Variants in PLSCR4 observed in about 807,000 individuals in gnomAD.
The protein encoded by PLSCR4 is Ca(2+)-dependent phospholipid scramblase 4.
In PLSCR4, 25 loss-of-function variants were observed where a neutral mutation model predicts 36.3. The observed-to-expected ratio is 0.69, with a 90% confidence interval of 0.50 to 0.96. The LOEUF is 0.96. PLSCR4 is among the 40% of genes least tolerant of loss of function. PLSCR4 has a pLI of 0.00. For synonymous variants in PLSCR4, 122 were observed against 132.9 expected (o/e 0.92, Z 0.56); for missense variants, 408 against 414.7 (o/e 0.98, Z 0.14).
chr3:146,235,976 C>T (rs2035896749), intron 1 of PLSCR4, among the ~76,000 whole-genome samples: 4 of 151,930 alleles, frequency 2.6e-5, no homozygotes, highest in Admixed American at 1.3e-4. Flanking sequence ...GGCCTGGCTG[C>T]TTCTAATAAC....
chr3:146,195,429 G>T, intron 7 of PLSCR4, 147 bp from the exon 8 acceptor site: 1 of 660,670 alleles, frequency 1.5e-6, no homozygotes, highest in South Asian at 2.0e-5. Flanking sequence ...TGGCCAAAAA[G>T]GGTTAACTGC....
intron 1 of PLSCR4, among the ~76,000 whole-genome samples, chr3:146,242,478 A>C (rs748808264): frequency 2.4e-5 from 3 of 126,070 alleles, no homozygotes; most frequent in South Asian, 5.1e-4. Flanking sequence ...ATTTGAGCTG[A>C]GTTTGAGCAT....
Position 146,192,780 on chromosome 3 carries a change from G to A in PLSCR4, c.*1631C>T, listed in dbSNP as rs572501304. 1.6e-4 allele frequency: 24 copies of A among 151,274 alleles called. No individual in the cohort carries two copies. Among genetic ancestry groups the A allele is most frequent in the African/African-American group, 5.1e-4 (21 of 41,166 alleles). The allele number at this position is 151,274 out of a possible 1,614,324, so 9.4% of individuals were successfully genotyped here. A position where few individuals can be genotyped will look rare whatever the true frequency, so the allele number is the denominator to read the frequency against. Reference sequence around the variant, plus strand: ...ATTGCAATGGCACTTTCAAATATAAGGCAATTAATATTTTAGAAAGCAGCA... The same window carrying A: ...ATTGCAATGGCACTTTCAAATATAAAGCAATTAATATTTTAGAAAGCAGCA... On this transcript the variant is annotated 3_prime_UTR_variant, in exon 9 of 9. Coordinates refer to ENST00000354952, the MANE Select transcript of PLSCR4 (RefSeq NM_020353.3).
chr3:146,244,719 T>C (rs1037792312), intron 1 of PLSCR4, among the ~76,000 whole-genome samples: 3 of 152,056 alleles, frequency 2.0e-5, no homozygotes, highest in Admixed American at 1.3e-4. Context: ...CAAAACAATA[T>C]TGAAATTAGG....
chr3:146,195,175 T>C lies in PLSCR4; in HGVS notation c.894A>G (p.Leu298=). Residue 298 remains leucine, a synonymous_variant, in exon 8 of 9, where the codon CTA becomes CTG. Transcript: ENST00000354952. The part of the protein sequence containing the change: ...DADHFDIHFP[L]DLDVKMKAMI... ...TGGCTTTCATCTTCACATCCAGGTC[T>C]AGTGGGAAGTGAATGTCAAAATGGT... 6.2e-7 allele frequency: 1 copy of C among 1,613,784 alleles called. No individual in the cohort carries two copies. Among genetic ancestry groups the C allele is most frequent in the Admixed American group, 1.7e-5 (1 of 60,000 alleles).
intron 3 of PLSCR4, among the ~76,000 whole-genome samples, chr3:146,213,914 T>C: frequency 6.7e-6 from 1 of 149,536 alleles, no homozygotes; most frequent in African/African-American, 2.6e-5. Context: ...AGGTGTTTTA[T>C]TTTTATTTTT....
chr3:146,238,961 C>T (rs768301046), intron 1 of PLSCR4, among the ~76,000 whole-genome samples: 21 of 151,870 alleles, frequency 1.4e-4, no homozygotes, highest in African/African-American at 1.2e-4. Context: ...ATTTCTATAC[C>T]CTGGCAATGA....
At chr3:146,230,651 TG>T (rs892817948) in intron 1 of PLSCR4, among the ~76,000 whole-genome samples, 9 of 151,676 alleles carry the variant, frequency 5.9e-5, no homozygotes, top group Non-Finnish European at 4.4e-5. Context: ...GGTGGGAAAG[TG>T]GAGAGGGAGC....
rs3840207 is a variant in PLSCR4 at position 146,193,051 on chromosome 3, TA to T, written c.*1359del. 118,940 of 150,152 alleles carry T rather than the reference TA, an allele frequency of 0.79. 47,451 individuals carry two copies. The highest frequency in any genetic ancestry group is 0.91 in the African/African-American group (37,551 of 41,046). 9.3% of individuals were successfully genotyped at this position (150,152 alleles called of 1,614,324 possible). A position where few individuals can be genotyped will look rare whatever the true frequency, so the allele number is the denominator to read the frequency against. Reference sequence around the variant, plus strand: ...ATCCCATTCTACATACTGACTGTGTTAAAAAAAAAAAATGCAGTCCATATGC... The same window carrying T: ...ATCCCATTCTACATACTGACTGTGTTAAAAAAAAAAATGCAGTCCATATGC... On this transcript the variant is annotated 3_prime_UTR_variant, in exon 9 of 9. Coordinates refer to ENST00000354952, the MANE Select transcript of PLSCR4 (RefSeq NM_020353.3).
chr3:146,201,321 G>A (rs1451980008), intron 4 of PLSCR4, among the ~76,000 whole-genome samples: 1 of 152,014 alleles, frequency 6.6e-6, no homozygotes, highest in Admixed American at 6.6e-5. Flanking sequence ...TAAAAAAGTT[G>A]TCTGCTATAT....
At chr3:146,226,066 T>A (rs1263061065) in intron 1 of PLSCR4, among the ~76,000 whole-genome samples, 6 of 152,130 alleles carry the variant, frequency 3.9e-5, no homozygotes, top group Admixed American at 1.3e-4. Flanking sequence ...GAGGAAAGCT[T>A]TAAAGAAATG....
Position 146,247,835 on chromosome 3 carries a change from T to C in PLSCR4, c.-22+3125A>G, listed in dbSNP as rs565372153. ...TGGGGTATCGCCATGTTTCCCAGGC[T>C]GCTCTCAAACTCCTGGGCTAAAACA... is the stretch of plus-strand genomic sequence containing the variant. On this transcript the variant is annotated intron_variant, in intron 1 of 8. Coordinates refer to ENST00000354952, the MANE Select transcript of PLSCR4 (RefSeq NM_020353.3). Among the ~76,000 whole-genome samples, 74 of 152,292 alleles carry C rather than the reference T, an allele frequency of 4.9e-4. 1 individual carries two copies. Among genetic ancestry groups the C allele is most frequent in the African/African-American group, 1.6e-3 (66 of 41,558 alleles).
chr3:146,217,399 G>A (rs997370004), intron 3 of PLSCR4, among the ~76,000 whole-genome samples: 2 of 152,250 alleles, frequency 1.3e-5, no homozygotes, highest in African/African-American at 4.8e-5. Flanking sequence ...AGGACGAACT[G>A]CTGTGTGTGG....
intron 1 of PLSCR4, among the ~76,000 whole-genome samples, chr3:146,229,897 T>A (rs1182362146): frequency 6.6e-6 from 1 of 152,194 alleles, no homozygotes; most frequent in Non-Finnish European, 1.5e-5. Flanking sequence ...GTGCTGGGAT[T>A]ACAGGCATGA....
chr3:146,224,761 G>A (rs2035363785), intron 1 of PLSCR4, among the ~76,000 whole-genome samples: 1 of 152,112 alleles, frequency 6.6e-6, no homozygotes, highest in Non-Finnish European at 1.5e-5. Context: ...CTGATTGGTA[G>A]AGCCGAGTGG....
intron 6 of PLSCR4, among the ~76,000 whole-genome samples, chr3:146,199,458 G>A (rs919213142): frequency 3.3e-5 from 5 of 151,974 alleles, no homozygotes; most frequent in African/African-American, 1.2e-4. Context: ...AATTCTAAAA[G>A]CATATGTTTA....
At chr3:146,222,132 A>G in intron 1 of PLSCR4, 40 bp from the exon 2 acceptor site, 3 of 762,938 alleles carry the variant, frequency 3.9e-6, no homozygotes, top group Non-Finnish European at 5.9e-6. Flanking sequence ...AAATACATAC[A>G]TAATAAATAG....
intron 1 of PLSCR4, among the ~76,000 whole-genome samples, chr3:146,238,532 G>T (rs1212754919): frequency 6.6e-6 from 1 of 151,714 alleles, no homozygotes; most frequent in African/African-American, 2.4e-5. Context: ...ATAAAATAAA[G>T]GACAAAAACT....
intron 1 of PLSCR4, among the ~76,000 whole-genome samples, chr3:146,248,722 GA>G (rs1315379531): frequency 3.9e-5 from 6 of 152,054 alleles, no homozygotes; most frequent in African/African-American, 1.2e-4. Context: ...CTTTGACAGA[GA>G]TTTTTATTTG....
Sources: gnomAD v4.1 joint callset for allele counts (sites outside exome capture counted in the v4.1 genomes callset) on GRCh38, gnomAD v4.1.1 for gene constraint, MANE v1.5 for transcripts, NCBI Gene and HGNC (gene_info 2026-07-23, HGNC 2026-07-21) for gene names.